The following RANBP10 variants were observed in gnomAD, a reference collection of about 807,000 sequenced individuals.
RANBP10 encodes ran-binding protein 10.
A neutral mutation model predicts 72.8 loss-of-function variants in RANBP10; 24 were observed. The ratio of observed to expected loss-of-function variants is 0.33; its 90% CI spans 0.24 to 0.46. The LOEUF (loss-of-function observed/expected upper bound fraction) is 0.46, where lower values mean the gene tolerates loss of function less well. Among genes scored for constraint, RANBP10 ranks in the 20% least tolerant of loss-of-function variants. The pLI, the probability that RANBP10 is intolerant of heterozygous loss-of-function variation, is 1.00. For missense variants in RANBP10, 679 were observed against 817.5 expected (o/e 0.83, Z 2.07); for synonymous variants, 310 against 322.3 (o/e 0.96, Z 0.41).
At chr16:67,767,786 T>C (rs916034661) in intron 3 of RANBP10, among the ~76,000 whole-genome samples, 4 of 151,866 alleles carry the variant, frequency 2.6e-5, no homozygotes, top group East Asian at 1.9e-4. Flanking sequence ...TTAGTAGAGA[T>C]GGGATTTCAC....
At chr16:67,781,473 A>G (rs2054808446) in intron 2 of RANBP10, among the ~76,000 whole-genome samples, 1 of 152,172 alleles carries the variant, frequency 6.6e-6, no homozygotes, top group African/African-American at 2.4e-5. Context: ...CTTCTCTACC[A>G]GGGCCTTCTT....
chr16:67,757,789 C>G (rs1014707264), intron 3 of RANBP10, among the ~76,000 whole-genome samples: 2 of 152,174 alleles, frequency 1.3e-5, no homozygotes, highest in Non-Finnish European at 2.9e-5. Flanking sequence ...GCTTTTAGAA[C>G]CAAGGAACAG....
At chr16:67,734,423 C>T (rs933397197) in intron 6 of RANBP10, among the ~76,000 whole-genome samples, 3 of 152,208 alleles carry the variant, frequency 2.0e-5, no homozygotes, top group Non-Finnish European at 2.9e-5. Context: ...CCTCCACCAC[C>T]GCTATAGACG....
chr16:67,785,985 C>T (rs895825015), intron 2 of RANBP10, among the ~76,000 whole-genome samples: 4 of 149,144 alleles, frequency 2.7e-5, no homozygotes, highest in African/African-American at 9.9e-5. Context: ...GAGATCAGAG[C>T]GAGACTCCAT....
intron 2 of RANBP10, among the ~76,000 whole-genome samples, chr16:67,800,681 C>T (rs759374595): frequency 3.9e-5 from 6 of 152,176 alleles, no homozygotes; most frequent in African/African-American, 7.2e-5. Context: ...TCTGGTGACT[C>T]GGCAAAATGC....
chr16:67,771,761 G>A (rs968131057), intron 3 of RANBP10, among the ~76,000 whole-genome samples: 17 of 152,190 alleles, frequency 1.1e-4, no homozygotes, highest in East Asian at 1.9e-4. Context: ...CTACTGACGC[G>A]TATCCCTACC....
chr16:67,777,176 C>T (rs2054722192), intron 2 of RANBP10, among the ~76,000 whole-genome samples: 1 of 151,326 alleles, frequency 6.6e-6, no homozygotes, highest in East Asian at 1.9e-4. Flanking sequence ...CAGCATTGCA[C>T]TCTAGCCTGG....
intron 5 of RANBP10, among the ~76,000 whole-genome samples, chr16:67,735,492 T>C (rs1377140750): frequency 6.6e-6 from 1 of 152,188 alleles, no homozygotes; most frequent in Admixed American, 6.6e-5. Context: ...CAGTGGCTCA[T>C]GCCTGTAATC....
At chr16:67,735,132 C>T (rs903800545) in intron 5 of RANBP10, 90 bp from the exon 6 acceptor site, 1 of 1,307,064 alleles carries the variant, frequency 7.7e-7, no homozygotes, top group East Asian at 2.5e-5. Flanking sequence ...CTGGCCCATG[C>T]TTGGGCTGGG....
At chr16:67,777,485 G>A (rs1423000579) in intron 2 of RANBP10, among the ~76,000 whole-genome samples, 1 of 151,832 alleles carries the variant, frequency 6.6e-6, no homozygotes, top group African/African-American at 2.4e-5. Flanking sequence ...GCAGTGAGCC[G>A]AGATCGCGCC....
At chr16:67,777,900 A>G (rs1037474308) in intron 2 of RANBP10, among the ~76,000 whole-genome samples, 1 of 152,216 alleles carries the variant, frequency 6.6e-6, no homozygotes, top group African/African-American at 2.4e-5. Context: ...TCGCATAAAG[A>G]CAGACCTACA....
At chr16:67,782,756 A>C (rs1011007755) in intron 2 of RANBP10, among the ~76,000 whole-genome samples, 2 of 151,876 alleles carry the variant, frequency 1.3e-5, no homozygotes, top group Non-Finnish European at 2.9e-5. Flanking sequence ...CTGGGCCAAA[A>C]ATCACTTTTA....
At chr16:67,777,490 C>T (rs928556996) in intron 2 of RANBP10, among the ~76,000 whole-genome samples, 12 of 151,932 alleles carry the variant, frequency 7.9e-5, no homozygotes, top group East Asian at 3.9e-4. Flanking sequence ...GAGCCGAGAT[C>T]GCGCCACTGC....
chr16:67,751,017 C>T (rs908705131), intron 3 of RANBP10, among the ~76,000 whole-genome samples: 11 of 152,004 alleles, frequency 7.2e-5, no homozygotes, highest in Non-Finnish European at 1.3e-4. Flanking sequence ...CTGCCCGCCT[C>T]GGCCTCCCAA....
intron 2 of RANBP10, among the ~76,000 whole-genome samples, chr16:67,791,045 G>A (rs577741090): frequency 1.5e-5 from 2 of 137,546 alleles, no homozygotes; most frequent in African/African-American, 2.7e-5. Context: ...ACAGAGTCTC[G>A]CTCTGTCGCC....
At chr16:67,796,285 G>T (rs771341854) in intron 2 of RANBP10, among the ~76,000 whole-genome samples, 12 of 152,064 alleles carry the variant, frequency 7.9e-5, no homozygotes, top group African/African-American at 1.4e-4. Context: ...TAAAAACAGG[G>T]CATTCCATTT....
chr16:67,799,430 G>A (rs1338229722), intron 2 of RANBP10, among the ~76,000 whole-genome samples: 2 of 151,872 alleles, frequency 1.3e-5, no homozygotes, highest in African/African-American at 4.8e-5. Flanking sequence ...TGGGACTACA[G>A]GCGCCCGCCA....
At chr16:67,805,347 A>C in intron 2 of RANBP10, 81 bp downstream of exon 2, 1 of 1,267,684 alleles carries the variant, frequency 7.9e-7, no homozygotes, top group Non-Finnish European at 1.1e-6. Context: ...ATCAGCAACA[A>C]GTGCCAGCCA....
intron 2 of RANBP10, among the ~76,000 whole-genome samples, chr16:67,797,042 A>G (rs1189959938): frequency 1.3e-5 from 2 of 151,892 alleles, no homozygotes; most frequent in Non-Finnish European, 2.9e-5. Context: ...TTCCTTCCCA[A>G]TGGTCCCATA....
Sources: allele counts gnomAD v4.1 joint callset (sites outside exome capture counted in the v4.1 genomes callset), GRCh38; gene constraint gnomAD v4.1.1; transcripts MANE v1.5; gene names NCBI Gene and HGNC (gene_info 2026-07-23, HGNC 2026-07-21).